Variants in ACOX1 observed in about 807,000 individuals in gnomAD.
The protein encoded by ACOX1 is acyl-CoA oxidase 1, also known as peroxisomal acyl-coenzyme A oxidase 1.
A neutral mutation model predicts 75.5 loss-of-function variants in ACOX1; 41 were observed. The ratio of observed to expected loss-of-function variants is 0.54; its 90% CI spans 0.42 to 0.70. ACOX1 has a LOEUF of 0.70. Ranked by LOEUF, ACOX1 falls within the 30% of genes least tolerant of loss-of-function variation. The pLI, the probability that ACOX1 is intolerant of heterozygous loss-of-function variation, is 0.00. For missense variants in ACOX1, 630 were observed against 837.5 expected, an observed-to-expected ratio of 0.75 and a Z score of 3.06; for synonymous variants, 303 against 298.8, an observed-to-expected ratio of 1.01 and a Z score of -0.15.
chr17:75,959,665 G>A lies in ACOX1; in HGVS notation c.430+550C>T, dbSNP rs80060411. On this transcript the variant is annotated intron_variant, in intron 3 of 13. Coordinates refer to ENST00000293217, the MANE Select transcript of ACOX1 (RefSeq NM_004035.7). Reference sequence around the variant, plus strand: ...AGAGTCTGAAACCAAATGCCTGCAAGTTCGGCTTATCTTGGTTTTTTCACT... The same window carrying A: ...AGAGTCTGAAACCAAATGCCTGCAAATTCGGCTTATCTTGGTTTTTTCACT... Among the ~76,000 whole-genome samples, 761 of 152,276 alleles carry A rather than the reference G, an allele frequency of 5.0e-3. 7 individuals carry two copies. Among genetic ancestry groups the A allele is most frequent in the African/African-American group, 0.018 (736 of 41,550 alleles).
rs1338953985 is a variant in ACOX1, at chr17:75,953,512, TAGAC to T, written c.879_882del (p.Ser294ArgfsTer12). On this transcript the variant is annotated frameshift_variant, in exon 7 of 14. Coordinates refer to ENST00000293217, the MANE Select transcript of ACOX1 (RefSeq NM_004035.7). LOFTEE classifies it high-confidence loss of function. ...TATCGGATGGCAATGGTGCACGCCT[TAGAC>T]AGAGCCCGAGCAGCTTCTCCCACAA... 3 of 1,614,152 alleles carry T rather than the reference TAGAC, an allele frequency of 1.9e-6. No homozygotes were observed. Among genetic ancestry groups the T allele is most frequent in the South Asian group, 1.1e-5 (1 of 91,080 alleles).
Position 75,960,121 on chromosome 17 carries a change from T to C in ACOX1, c.430+94A>G. 1 of 1,507,400 alleles carries C rather than the reference T, an allele frequency of 6.6e-7. No homozygotes were observed. 93.4% of individuals were successfully genotyped at this position (1,507,400 alleles called of 1,614,324 possible). A position where few individuals can be genotyped will look rare whatever the true frequency, so the allele number is the denominator to read the frequency against. ...GCTCATTTAAACAGACCATAGAACA[T>C]CGACACACCATCGATGGCACATGGT... On this transcript the variant is annotated intron_variant, in intron 3 of 13. Transcript: ENST00000293217. The surrounding 1 kb of genome is among the most constrained non-coding windows in gnomAD (Gnocchi z 4.4).
rs377333115 is a variant in ACOX1, at chr17:75,949,350, T to C, written c.1595A>G (p.His532Arg). 2.5e-6 allele frequency: 4 copies of C among 1,614,046 alleles called. No individual in the cohort carries two copies. The African/African-American group carries it at 4.0e-5, about 16-fold the overall frequency. Residue 532 changes from histidine (H) to arginine (R), a missense_variant, in exon 12 of 14, where the codon CAC becomes CGC. Physicochemically the swap from His to Arg is conservative, Grantham distance 29. This residue lies in a region of ACOX1 where 240 missense variants were observed against 262.7 expected (regional missense o/e 0.91). Transcript: ENST00000293217. ...TGAAAAGAGCTTAACTACCACATAG[T>C]GGCAATGTGCCTAAGATTAAAAAGA... ...DLVRASEAHC[H>R]YVVVKLFSEK...
chr17:75,964,720 C>T (rs1288048650), intron 2 of ACOX1, among the ~76,000 whole-genome samples: 2 of 152,114 alleles, frequency 1.3e-5, no homozygotes, highest in African/African-American at 2.4e-5. Flanking sequence ...TTAAAAGCTG[C>T]TTATGCATGA....
Position 75,948,448 on chromosome 17 carries a change from T to C in ACOX1, c.1738A>G (p.Met580Val). 6.2e-7 allele frequency: 1 copy of C among 1,614,160 alleles called. No individual in the cohort carries two copies. Among genetic ancestry groups the C allele is most frequent in the Non-Finnish European group, 8.5e-7 (1 of 1,180,016 alleles). The change falls in exon 13 of 14, where the codon ATG becomes GTG. Residue 580 changes from methionine (M) to valine (V), a missense_variant. By Grantham distance (21) the Met-to-Val change is conservative. Coordinates refer to ENST00000293217, the MANE Select transcript of ACOX1 (RefSeq NM_004035.7). ...ACTTGTGTAATCTGAGGCTCTGTCA[T>C]GATGCTCCCCTAAAAGAGACCAAAA... ...NAGDFLQGSI[M>V]TEPQITQVNQ...
At chr17:75,948,633 C>T (rs1243547053) in intron 12 of ACOX1, among the ~76,000 whole-genome samples, 176 bp from the exon 13 acceptor site, 1 of 151,710 alleles carries the variant, frequency 6.6e-6, no homozygotes, top group African/African-American at 2.4e-5. Context: ...TGGCTCACCG[C>T]AATCTCCGCC....
Position 75,949,872 on chromosome 17 carries a change from C to A in ACOX1, c.1324G>T (p.Val442Leu), listed in dbSNP as rs550349517. ...CCACACACCAACTTTCCTGAGTGCA[C>A]CTGATCATAACTTTTCATCAGGAAC... The part of the protein sequence containing the change: ...ARFLMKSYDQ[V>L]HSGKLVCGMV... The change falls in exon 10 of 14, where the codon GTG (valine) becomes TTG (leucine). Residue 442 changes from valine (V) to leucine (L), a missense_variant. Val to Leu is a conservative substitution (Grantham distance 32). Coordinates refer to ENST00000293217, the MANE Select transcript of ACOX1 (RefSeq NM_004035.7). 1.2e-6 allele frequency: 2 copies of A among 1,614,090 alleles called. No individual in the cohort carries two copies. Among genetic ancestry groups the A allele is most frequent in the Admixed American group, 1.7e-5 (1 of 60,006 alleles).
rs867499736 is a variant in ACOX1 at position 75,967,629 on chromosome 17, T to C, written c.270-7254A>G. The stretch of plus-strand genomic sequence containing the variant: ...ATATATATATACATACATATATATA[T>C]ACATACATATATATACGTATATATA... On this transcript the variant is annotated intron_variant, in intron 2 of 13. Transcript: ENST00000293217. 2.9e-3 allele frequency among the ~76,000 whole-genome samples: 278 copies of C among 95,426 alleles called. 3 individuals are homozygous for C. The South Asian group carries it at 0.049, about 17-fold the overall frequency. 62.6% of individuals were successfully genotyped at this position (95,426 alleles called of 152,430 possible). A position where few individuals can be genotyped will look rare whatever the true frequency, so the allele number is the denominator to read the frequency against.
intron 2 of ACOX1, among the ~76,000 whole-genome samples, chr17:75,963,752 G>C (rs2065906436): frequency 1.3e-5 from 2 of 151,722 alleles, no homozygotes; most frequent in South Asian, 2.1e-4. Context: ...TGCTGAAAAA[G>C]CCAGGGCTGT....
At chr17:75,949,635 A>G in intron 10 of ACOX1, 35 bp from the exon 11 acceptor site, 1 of 1,613,252 alleles carries the variant, frequency 6.2e-7, no homozygotes. Flanking sequence ...TGAGGAAATG[A>G]TCAACAGTAC....
At position 75,948,300 on chromosome 17, in the gene ACOX1, T is replaced by G; in HGVS notation, c.1886A>C (p.Tyr629Ser). The G allele has an allele frequency of 6.2e-7, 1 of 1,614,098 alleles. No individual in the cohort carries two copies. The highest frequency in any genetic ancestry group is 1.1e-5 in the South Asian group (1 of 91,076). Residue 629 changes from tyrosine to serine, a missense_variant, in exon 13 of 14, where the codon TAT becomes TCT. This residue lies in a region of ACOX1 where 240 missense variants were observed against 262.7 expected (regional missense o/e 0.91). Coordinates refer to ENST00000293217, the MANE Select transcript of ACOX1 (RefSeq NM_004035.7). ...SVLGRYDGNVYENLFEWAKNS... is the reference protein window; with the variant it reads ...SVLGRYDGNVSENLFEWAKNS... ...CTTAGCCCACTCAAACAAGTTTTCA[T>G]ACACATTCCCATCATAGCGGCCAAG...
chr17:75,973,843 C>G, intron 2 of ACOX1: 1 of 1,567,804 alleles, frequency 6.4e-7, no homozygotes, highest in South Asian at 1.2e-5. Context: ...ATCCTACAAC[C>G]CCTTCTTGCC....
chr17:75,953,095 C>G (rs1188267323), intron 7 of ACOX1, among the ~76,000 whole-genome samples: 2 of 152,120 alleles, frequency 1.3e-5, no homozygotes, highest in Non-Finnish European at 2.9e-5. Context: ...TTTCACCATG[C>G]ACAATTTACA....
At chr17:75,966,301 A>AC (rs1440435264) in intron 2 of ACOX1, among the ~76,000 whole-genome samples, 1 of 148,848 alleles carries the variant, frequency 6.7e-6, no homozygotes, top group African/African-American at 2.5e-5. Flanking sequence ...TACTAAAAAT[A>AC]TAAACATTAG....
At position 75,951,483 on chromosome 17, in the gene ACOX1, A is replaced by T; in HGVS notation, c.1039T>A (p.Tyr347Asn). 2.5e-6 allele frequency: 4 copies of T among 1,614,168 alleles called. No individual in the cohort carries two copies. The highest frequency in any genetic ancestry group is 3.4e-6 in the Non-Finnish European group (4 of 1,180,022). Reference protein sequence around the residue: ...TAYAFQFVGAYMKETYHRINE... With the variant: ...TAYAFQFVGANMKETYHRINE... ...ATCCGGTGATAGGTCTCCTTCATGTATGCGCCCACAAACTGGAAGGCATAG... is the reference window on the plus strand; with the variant it reads ...ATCCGGTGATAGGTCTCCTTCATGTTTGCGCCCACAAACTGGAAGGCATAG... The change falls in exon 8 of 14, where the codon TAC becomes AAC. Residue 347 changes from tyrosine (Y) to asparagine (N), a missense_variant. Physicochemically the swap from Tyr to Asn is moderately radical, Grantham distance 143. Transcript: ENST00000293217.
At position 75,979,041 on chromosome 17, in the gene ACOX1, G is replaced by T. The variant is rs991765631; in HGVS notation, c.33C>A (p.Ser11=). ...TAAGCAGCTCCGGGTTGAAGCTGGC[G>T]GAATCCCGCTCCCTGCGCAGGTCCG... MNPDLRRERD[S]ASFNPELLTH... The change falls in exon 1 of 14, where the codon TCC becomes TCA. Residue 11 remains serine, a synonymous_variant. Transcript: ENST00000293217. 1.4e-5 allele frequency: 22 copies of T among 1,612,302 alleles called. No individual in the cohort carries two copies. Among genetic ancestry groups the T allele is most frequent in the Non-Finnish European group, 1.7e-5 (20 of 1,180,010 alleles).
At chr17:75,961,948 T>C (rs1403129477) in intron 2 of ACOX1, among the ~76,000 whole-genome samples, 1 of 152,042 alleles carries the variant, frequency 6.6e-6, no homozygotes, top group African/African-American at 2.4e-5. Context: ...CAGAACATAG[T>C]AGTTCTCTCA....
chr17:75,971,571 A>G (rs112839952), intron 2 of ACOX1, among the ~76,000 whole-genome samples: 7,521 of 151,122 alleles, frequency 0.05, 206 homozygotes, highest in East Asian at 0.095. Flanking sequence ...GCCAAACCCC[A>G]TCTCTACTAA....
chr17:75,966,350 AG>A (rs1404832000), intron 2 of ACOX1, among the ~76,000 whole-genome samples: 1 of 145,126 alleles, frequency 6.9e-6, no homozygotes, highest in African/African-American at 2.6e-5. Flanking sequence ...CCAGCTACTC[AG>A]GGGGCTGAGG....
Sources: gnomAD v4.1 joint callset for allele counts (sites outside exome capture counted in the v4.1 genomes callset) on GRCh38, gnomAD v4.1.1 for gene constraint, gnomAD v4.1.1 regional missense constraint, Gnocchi (gnomAD v3.1) non-coding constraint, MANE v1.5 for transcripts, NCBI Gene and HGNC (gene_info 2026-07-23, HGNC 2026-07-21) for gene names.